Variants in ABCC1 observed in about 807,000 individuals in gnomAD.
ABCC1 encodes the protein multidrug resistance-associated protein 1.
A neutral mutation model predicts 172.9 loss-of-function variants in ABCC1; 83 were observed. That is an observed-to-expected ratio of 0.48 (90% confidence interval 0.40 to 0.58). The LOEUF is 0.58. ABCC1 is among the 20% of genes least tolerant of loss of function. The pLI is 0.00. For missense variants in ABCC1, 1,817 were observed against 2,002.7 expected (o/e 0.91, Z 1.77); for synonymous variants, 937 against 825.2 (o/e 1.14, Z -2.32).
chr16:15,974,897 C>T (rs977050917), intron 1 of ABCC1, among the ~76,000 whole-genome samples: 1 of 152,142 alleles, frequency 6.6e-6, no homozygotes, highest in African/African-American at 2.4e-5. Flanking sequence ...AGTGATCCTC[C>T]CATCTCAGCC....
chr16:16,116,784 T>C (rs2044894367), intron 23 of ABCC1, among the ~76,000 whole-genome samples: 1 of 152,182 alleles, frequency 6.6e-6, no homozygotes, highest in South Asian at 2.1e-4. Context: ...AGTCTCAAAC[T>C]CCTGACGTCA....
rs2051829560 is a variant in ABCC1 at position 16,102,804 on chromosome 16, C to G, written c.2735+87C>G. The G allele has an allele frequency of 3.9e-6, 5 of 1,292,428 alleles. No individual in the cohort carries two copies. The Admixed American group carries it at 9.0e-5, about 23-fold the overall frequency. The allele number at this position is 1,292,428 out of a possible 1,614,324, so 80.1% of individuals were successfully genotyped here. ...GAGGAACAAAAAAAGGCCTCAGCCC[C>G]CTGAGGTCCTGGAAGGCCTGGGCTT... On this transcript the variant is annotated intron_variant, in intron 20 of 30. Coordinates refer to ENST00000399410, the MANE Select transcript of ABCC1 (RefSeq NM_004996.4).
At chr16:16,038,409 G>A (rs917000674) in intron 7 of ABCC1, among the ~76,000 whole-genome samples, 1 of 152,190 alleles carries the variant, frequency 6.6e-6, no homozygotes, top group South Asian at 2.1e-4. Flanking sequence ...CATTGGGTAA[G>A]TCCCAGAGGC....
rs867140963 is a variant in ABCC1 at position 16,055,411 on chromosome 16, G to A, written c.1474-681G>A. Among the ~76,000 whole-genome samples, 8 of 152,102 alleles carry A rather than the reference G, an allele frequency of 5.3e-5. 1 individual carries two copies. The highest frequency in any genetic ancestry group is 3.4e-3 in the Middle Eastern group (1 of 294). On this transcript the variant is annotated intron_variant, in intron 11 of 30. Transcript: ENST00000399410. ...CTAAAAATAGAAAAATTAGCCAGGC[G>A]TGGTGGCAGGCGTTTATAGTCCCAG... is the stretch of plus-strand genomic sequence containing the variant.
intron 19 of ABCC1, among the ~76,000 whole-genome samples, chr16:16,097,675 G>T (rs947562706): frequency 2.0e-5 from 3 of 152,174 alleles, no homozygotes; most frequent in African/African-American, 7.2e-5. Flanking sequence ...TCCTGCCTAT[G>T]AGAGGGGCCC....
intron 1 of ABCC1, among the ~76,000 whole-genome samples, chr16:15,998,423 G>C (rs564266417): frequency 1.5e-3 from 224 of 152,180 alleles, no homozygotes; most frequent in Middle Eastern, 3.4e-3. Context: ...CACTGTGCCC[G>C]GTCCTCAGAT....
intron 15 of ABCC1, among the ~76,000 whole-genome samples, chr16:16,078,223 A>G (rs152030): frequency 0.13 from 20,373 of 152,164 alleles, 1,606 homozygotes; most frequent in East Asian, 0.22. Context: ...CACATTCCAT[A>G]TAAGTGAGTC....
At chr16:16,117,499 A>T (rs1284068858) in intron 23 of ABCC1, among the ~76,000 whole-genome samples, 1 of 152,192 alleles carries the variant, frequency 6.6e-6, no homozygotes. Flanking sequence ...CTTGGATTAG[A>T]GGGACACCTG....
At chr16:15,989,221 C>T (rs922683234) in intron 1 of ABCC1, among the ~76,000 whole-genome samples, 9 of 152,072 alleles carry the variant, frequency 5.9e-5, no homozygotes, top group Non-Finnish European at 1.0e-4. Flanking sequence ...GGAAATTGCC[C>T]CTGTGATGTT....
chr16:16,109,662 G>A (rs1212082539), intron 21 of ABCC1, among the ~76,000 whole-genome samples: 4 of 152,210 alleles, frequency 2.6e-5, no homozygotes, highest in African/African-American at 4.8e-5. Flanking sequence ...CCCATGCTGG[G>A]CTCCACAGGG....
chr16:15,995,977 GTTTTTT>G (rs565769136), intron 1 of ABCC1, among the ~76,000 whole-genome samples: 3 of 98,614 alleles, frequency 3.0e-5, no homozygotes, highest in Admixed American at 1.2e-4. Flanking sequence ...GCCCAGCTAA[GTTTTTT>G]TTTTTTTTTT....
At chr16:16,083,657 C>T in intron 17 of ABCC1, 115 bp downstream of exon 17, 1 of 1,383,402 alleles carries the variant, frequency 7.2e-7, no homozygotes, top group Non-Finnish European at 1.0e-6. Context: ...CGGCAGGGCT[C>T]AGCTGGGCGG....
At chr16:16,057,231 T>A (rs2049697786) in intron 12 of ABCC1, among the ~76,000 whole-genome samples, 2 of 149,196 alleles carry the variant, frequency 1.3e-5, no homozygotes, top group Non-Finnish European at 3.0e-5. Context: ...TGGTGGTGCA[T>A]GCCTATATTC....
At chr16:15,992,648 G>A (rs1193830962) in intron 1 of ABCC1, among the ~76,000 whole-genome samples, 5 of 152,130 alleles carry the variant, frequency 3.3e-5, no homozygotes, top group Admixed American at 6.6e-5. Flanking sequence ...TGATCCTCCC[G>A]CCTCGGCCTC....
chr16:16,024,165 G>A (rs986178133), intron 5 of ABCC1, among the ~76,000 whole-genome samples: 8 of 152,144 alleles, frequency 5.3e-5, no homozygotes, highest in East Asian at 1.9e-4. Context: ...GTTGCAGTGC[G>A]CCGAGATCGC....
chr16:16,137,592 C>CT (rs1269395835), intron 29 of ABCC1, among the ~76,000 whole-genome samples: 1 of 112,704 alleles, frequency 8.9e-6, no homozygotes, highest in East Asian at 3.2e-4. Flanking sequence ...GGGTCTCACT[C>CT]TATCACCCAG....
At chr16:16,091,484 G>A (rs951570887) in intron 19 of ABCC1, among the ~76,000 whole-genome samples, 1 of 152,062 alleles carries the variant, frequency 6.6e-6, no homozygotes, top group African/African-American at 2.4e-5. Context: ...GGGCTGAGGA[G>A]TGATGGGTGT....
chr16:16,111,503 T>C lies in ABCC1; in HGVS notation c.3000T>C (p.Thr1000=). The change falls in exon 22 of 31, where the codon ACT becomes ACC. Residue 1000 remains threonine, a synonymous_variant. Transcript: ENST00000399410. ...LASNYWLSLW[T]DDPIVNGTQE... ...CCAACTATTGGCTCAGCCTCTGGAC[T>C]GATGACCCCATCGTCAACGGGACTC... The C allele has an allele frequency of 6.2e-7, 1 of 1,614,210 alleles. No homozygotes were observed. The highest frequency in any genetic ancestry group is 8.5e-7 in the Non-Finnish European group (1 of 1,180,022).
In ABCC1 at chr16:16,141,553, G is replaced by A. The variant is rs182967563; in HGVS notation, c.*272G>A. On this transcript the variant is annotated 3_prime_UTR_variant, in exon 31 of 31. Coordinates refer to ENST00000399410, the MANE Select transcript of ABCC1 (RefSeq NM_004996.4). ...CCCTGAGACAGACACACAGCCTCACGCCCCCAGGAATGCAAGTGGTTTCCT... is the reference window on the plus strand; with the variant it reads ...CCCTGAGACAGACACACAGCCTCACACCCCCAGGAATGCAAGTGGTTTCCT... 265 of 426,984 alleles carry A rather than the reference G, an allele frequency of 6.2e-4. No homozygotes were observed. Among genetic ancestry groups the A allele is most frequent in the African/African-American group, 4.7e-3 (233 of 49,880 alleles). The allele number at this position is 426,984 out of a possible 1,614,324, so 26.4% of individuals were successfully genotyped here. A position where few individuals can be genotyped will look rare whatever the true frequency, so the allele number is the denominator to read the frequency against.
Sources: allele counts gnomAD v4.1 joint callset (sites outside exome capture counted in the v4.1 genomes callset), GRCh38; gene constraint gnomAD v4.1.1; transcripts MANE v1.5; gene names NCBI Gene and HGNC (gene_info 2026-07-23, HGNC 2026-07-21).